Variants in ARHGAP42 observed in about 807,000 individuals in gnomAD.
The protein encoded by ARHGAP42 is rho GTPase-activating protein 42.
ARHGAP42 carries 63 observed loss-of-function variants against 125.0 expected under a neutral mutation model. The ratio of observed to expected loss-of-function variants is 0.50; its 90% CI spans 0.41 to 0.62. ARHGAP42 has a LOEUF of 0.62. Among genes scored for constraint, ARHGAP42 ranks in the 20% least tolerant of loss-of-function variants. The pLI is 0.00. For synonymous variants in ARHGAP42, 339 were observed against 351.0 expected (o/e 0.97, Z 0.38); for missense variants, 766 against 1,024.2 (o/e 0.75, Z 3.44).
At chr11:100,748,156 A>G (rs1442700874) in intron 1 of ARHGAP42, among the ~76,000 whole-genome samples, 2 of 152,176 alleles carry the variant, frequency 1.3e-5, no homozygotes, top group South Asian at 2.1e-4. Context: ...TTGGGATTTC[A>G]ATTATTCTTT....
At chr11:100,954,277 C>G (rs1197292085) in intron 12 of ARHGAP42, among the ~76,000 whole-genome samples, 1 of 152,136 alleles carries the variant, frequency 6.6e-6, no homozygotes, top group Non-Finnish European at 1.5e-5. Context: ...CAAAAATATT[C>G]CATTGTGCAC....
At chr11:100,825,187 G>T (rs11224474) in intron 3 of ARHGAP42, among the ~76,000 whole-genome samples, 74,268 of 151,934 alleles carry the variant, frequency 0.49, 19,118 homozygotes, top group South Asian at 0.62. Flanking sequence ...ACCCATTCTT[G>T]TTTAATAATT....
chr11:100,912,171 A>C (rs942825213), intron 4 of ARHGAP42, among the ~76,000 whole-genome samples: 1 of 152,158 alleles, frequency 6.6e-6, no homozygotes, highest in Non-Finnish European at 1.5e-5. Context: ...ACAACCTCAG[A>C]ATAGCAGGAA....
At chr11:100,744,600 CT>C (rs1228933175) in intron 1 of ARHGAP42, among the ~76,000 whole-genome samples, 4 of 150,196 alleles carry the variant, frequency 2.7e-5, no homozygotes, top group Non-Finnish European at 5.9e-5. Flanking sequence ...TTTTTTGCTC[CT>C]TAAGGATGTT....
At chr11:100,865,118 A>C (rs1419977607) in intron 4 of ARHGAP42, among the ~76,000 whole-genome samples, 1 of 152,202 alleles carries the variant, frequency 6.6e-6, no homozygotes. Flanking sequence ...ATTTCTTTAT[A>C]TTGTTTTCAT....
At chr11:100,948,079 G>A (rs1045206261) in intron 10 of ARHGAP42, among the ~76,000 whole-genome samples, 2 of 152,094 alleles carry the variant, frequency 1.3e-5, no homozygotes, top group African/African-American at 2.4e-5. Context: ...TGACTAGACT[G>A]TACCACATCA....
intron 1 of ARHGAP42, among the ~76,000 whole-genome samples, chr11:100,721,794 T>A (rs1861763410): frequency 1.3e-5 from 2 of 152,142 alleles, no homozygotes; most frequent in African/African-American, 4.8e-5. Context: ...TTTTTATTGC[T>A]GAATGATATG....
intron 4 of ARHGAP42, among the ~76,000 whole-genome samples, chr11:100,893,188 T>TGTGTGTGTGTG (rs3065611): frequency 1.3e-5 from 2 of 151,744 alleles, no homozygotes; most frequent in African/African-American, 2.4e-5. Context: ...TGTGTGTGTG[T>TGTGTGTGTGTG]TTCTTTTTGA....
chr11:100,885,788 G>T (rs1274768082), intron 4 of ARHGAP42, among the ~76,000 whole-genome samples: 2 of 152,086 alleles, frequency 1.3e-5, no homozygotes, highest in Non-Finnish European at 2.9e-5. Context: ...GCAACTGCAA[G>T]AATTAATAAT....
At chr11:100,937,043 G>A (rs1385685866) in intron 8 of ARHGAP42, among the ~76,000 whole-genome samples, 1 of 152,156 alleles carries the variant, frequency 6.6e-6, no homozygotes, top group African/African-American at 2.4e-5. Context: ...GCCCATCGTG[G>A]ACCAATGTGA....
At chr11:100,861,706 G>A (rs1865448738) in intron 4 of ARHGAP42, among the ~76,000 whole-genome samples, 1 of 152,172 alleles carries the variant, frequency 6.6e-6, no homozygotes, top group South Asian at 2.1e-4. Flanking sequence ...TACTGATATA[G>A]GCCACATTTA....
chr11:100,969,470 C>T (rs868837001), intron 17 of ARHGAP42, among the ~76,000 whole-genome samples: 1 of 152,096 alleles, frequency 6.6e-6, no homozygotes, highest in Non-Finnish European at 1.5e-5. Context: ...TCATCTGCTA[C>T]TGGTACTCCC....
At chr11:100,959,127 T>C (rs1044568401) in intron 12 of ARHGAP42, among the ~76,000 whole-genome samples, 2 of 152,034 alleles carry the variant, frequency 1.3e-5, no homozygotes, top group African/African-American at 4.8e-5. Flanking sequence ...AAATTTTCAG[T>C]TTCTCCTCTG....
At chr11:100,945,107 A>C (rs188491466) in intron 10 of ARHGAP42, among the ~76,000 whole-genome samples, 1 of 152,224 alleles carries the variant, frequency 6.6e-6, no homozygotes, top group Admixed American at 6.6e-5. Flanking sequence ...AAACGTTTAT[A>C]GCATCTTCAC....
intron 22 of ARHGAP42, among the ~76,000 whole-genome samples, chr11:100,981,206 TG>T (rs1383917316): frequency 2.0e-4 from 31 of 152,218 alleles, no homozygotes; most frequent in African/African-American, 7.5e-4. Flanking sequence ...CACAATACTG[TG>T]TTTGAACATG....
intron 2 of ARHGAP42, among the ~76,000 whole-genome samples, chr11:100,785,527 T>C (rs1031975740): frequency 3.9e-5 from 6 of 152,066 alleles, no homozygotes; most frequent in African/African-American, 1.4e-4. Flanking sequence ...GGTTAAGAGG[T>C]TGTGGAAAAG....
At chr11:100,719,904 T>C (rs906028681) in intron 1 of ARHGAP42, among the ~76,000 whole-genome samples, 2 of 152,212 alleles carry the variant, frequency 1.3e-5, no homozygotes, top group African/African-American at 2.4e-5. Context: ...TTCTGTATCC[T>C]AGGCAGTTTT....
chr11:100,775,882 G>A (rs944395577), intron 2 of ARHGAP42, among the ~76,000 whole-genome samples: 6 of 152,132 alleles, frequency 3.9e-5, no homozygotes, highest in East Asian at 3.9e-4. Context: ...TATTGTGGCC[G>A]GGTACGGTGG....
chr11:100,943,883 T>C lies in ARHGAP42; in HGVS notation c.1043+15T>C. 1 of 1,465,344 alleles carries C rather than the reference T, an allele frequency of 6.8e-7. No individual in the cohort carries two copies. The highest frequency in any genetic ancestry group is 1.3e-5 in the South Asian group (1 of 78,228). The allele number at this position is 1,465,344 out of a possible 1,614,324, so 90.8% of individuals were successfully genotyped here. A position where few individuals can be genotyped will look rare whatever the true frequency, so the allele number is the denominator to read the frequency against. ...GTAGTTGAAAGGTTTGAGCTGTTCT[T>C]TTCACTTTATTTTTTTCATAAGCTA... On this transcript the variant is annotated intron_variant, in intron 10 of 23. Coordinates refer to ENST00000298815, the MANE Select transcript of ARHGAP42 (RefSeq NM_152432.4).
Sources: allele counts gnomAD v4.1 joint callset (sites outside exome capture counted in the v4.1 genomes callset), GRCh38; gene constraint gnomAD v4.1.1; transcripts MANE v1.5; gene names NCBI Gene and HGNC (gene_info 2026-07-23, HGNC 2026-07-21).